The following RB1CC1 variants were observed in gnomAD, a reference collection of about 807,000 sequenced individuals.
RB1CC1 encodes the protein RB1-inducible coiled-coil protein 1.
In RB1CC1, 46 loss-of-function variants were observed where a neutral mutation model predicts 177.5. The ratio of observed to expected loss-of-function variants is 0.26; its 90% CI spans 0.20 to 0.33. RB1CC1 has a LOEUF of 0.33. Among genes scored for constraint, RB1CC1 ranks in the 10% least tolerant of loss-of-function variants. The pLI is 1.00. For synonymous variants in RB1CC1, 666 were observed against 613.6 expected, an observed-to-expected ratio of 1.09 and a Z score of -1.26; for missense variants, 1,703 against 1,816.3, an observed-to-expected ratio of 0.94 and a Z score of 1.13.
intron 21 of RB1CC1, 41 bp downstream of exon 21, chr8:52,630,427 AAT>A (rs1394721083): frequency 6.6e-7 from 1 of 1,525,338 alleles, no homozygotes; most frequent in East Asian, 2.4e-5. Context: ...CAATTCAGTG[AAT>A]GTTTTTCACA....
At chr8:52,660,723 T>G in intron 11 of RB1CC1, 66 bp from the exon 12 acceptor site, 1 of 1,418,316 alleles carries the variant, frequency 7.1e-7, no homozygotes, top group Non-Finnish European at 9.7e-7. Context: ...TTATCTCTGG[T>G]TTTTGAAAAG....
At chr8:52,684,848 TG>T (rs1263828002) in intron 3 of RB1CC1, among the ~76,000 whole-genome samples, 1 of 152,156 alleles carries the variant, frequency 6.6e-6, no homozygotes, top group Non-Finnish European at 1.5e-5. Context: ...TGAGTAGATC[TG>T]TTTACTGATC....
At chr8:52,635,971 G>A (rs766925051) in intron 19 of RB1CC1, 44 bp downstream of exon 19, 34 of 1,594,542 alleles carry the variant, frequency 2.1e-5, no homozygotes, top group Non-Finnish European at 2.8e-5. Flanking sequence ...GTATCCAAAA[G>A]TGAACATATT....
intron 15 of RB1CC1, among the ~76,000 whole-genome samples, chr8:52,652,608 G>A (rs1200953999): frequency 1.1e-4 from 17 of 152,052 alleles, no homozygotes; most frequent in Non-Finnish European, 2.9e-5. Flanking sequence ...GTCAATTTTT[G>A]AGAGCGTAAA....
At position 52,658,863 on chromosome 8, in the gene RB1CC1, T is replaced by A. The variant is rs1851340891; in HGVS notation, c.1793+10A>T. ...GTTATAAATTAACTGAAAATACTAA[T>A]GACATTTACCTGAGGAATGGCTGAA... On this transcript the variant is annotated intron_variant, in intron 13 of 23. Transcript: ENST00000025008. The A allele has an allele frequency of 1.3e-6, 2 of 1,525,226 alleles. No individual in the cohort carries two copies. The allele number at this position is 1,525,226 out of a possible 1,614,324, so 94.5% of individuals were successfully genotyped here. A position where few individuals can be genotyped will look rare whatever the true frequency, so the allele number is the denominator to read the frequency against.
At chr8:52,661,505 T>C in intron 9 of RB1CC1, 30 bp downstream of exon 9, 2 of 1,549,348 alleles carry the variant, frequency 1.3e-6, no homozygotes, top group Non-Finnish European at 1.7e-6. Flanking sequence ...ATTCTAAACA[T>C]CTTAAAACAG....
At chr8:52,698,233 T>C (rs1046192639) in intron 1 of RB1CC1, among the ~76,000 whole-genome samples, 1 of 152,098 alleles carries the variant, frequency 6.6e-6, no homozygotes, top group African/African-American at 2.4e-5. Flanking sequence ...TGCACTACCA[T>C]GCCCAGCTAA....
At chr8:52,660,025 A>C (rs970310681) in intron 12 of RB1CC1, among the ~76,000 whole-genome samples, 2 of 152,338 alleles carry the variant, frequency 1.3e-5, no homozygotes, top group Admixed American at 1.3e-4. Flanking sequence ...AGCTAAGAGT[A>C]CATCTGATGG....
At chr8:52,690,146 T>C (rs1047677780) in intron 1 of RB1CC1, among the ~76,000 whole-genome samples, 1 of 152,170 alleles carries the variant, frequency 6.6e-6, no homozygotes, top group Non-Finnish European at 1.5e-5. Context: ...AGGAATCAGA[T>C]GACTGTATTA....
At chr8:52,624,855 C>T in intron 22 of RB1CC1, 68 bp from the exon 23 acceptor site, 1 of 1,200,880 alleles carries the variant, frequency 8.3e-7, no homozygotes, top group Middle Eastern at 2.5e-4. Context: ...AACATAACTG[C>T]CAGAATTAAA....
chr8:52,632,212 T>A (rs1026610589), intron 20 of RB1CC1, among the ~76,000 whole-genome samples: 1 of 152,162 alleles, frequency 6.6e-6, no homozygotes, highest in Non-Finnish European at 1.5e-5. Flanking sequence ...TCTTTGAAGC[T>A]TGAAAGGGTG....
intron 15 of RB1CC1, among the ~76,000 whole-genome samples, chr8:52,653,467 C>A (rs994167116): frequency 6.6e-6 from 1 of 152,026 alleles, no homozygotes; most frequent in African/African-American, 2.4e-5. Context: ...CGGTTAAAGA[C>A]CTACTAAAAC....
Position 52,661,285 on chromosome 8 carries a change from G to C in RB1CC1, c.1359-4C>G, listed in dbSNP as rs1488844112. The C allele has an allele frequency of 1.9e-6, 3 of 1,608,702 alleles. 1 individual carries two copies. Among genetic ancestry groups the C allele is most frequent in the East Asian group, 2.2e-5 (1 of 44,778 alleles). On this transcript the variant is annotated splice_polypyrimidine_tract_variant and splice_region_variant and intron_variant, in intron 9 of 23. Transcript: ENST00000025008. Reference sequence around the variant, plus strand: ...AAGCATTACAAAGCAACACCACCTAGAGAATAAAATCCATTATTTTCAACA... The same window carrying C: ...AAGCATTACAAAGCAACACCACCTACAGAATAAAATCCATTATTTTCAACA...
chr8:52,679,396 T>C (rs773617655), intron 5 of RB1CC1, among the ~76,000 whole-genome samples: 3 of 152,236 alleles, frequency 2.0e-5, no homozygotes, highest in Non-Finnish European at 2.9e-5. Context: ...CAAAGGCCTA[T>C]CTGCTTCCTC....
At position 52,657,120 on chromosome 8, in the gene RB1CC1, C is replaced by T. The variant is rs62499947; in HGVS notation, c.2709G>A (p.Glu903=). The change falls in exon 15 of 24, where the codon GAG becomes GAA. Residue 903 remains glutamate (E), a synonymous_variant. Transcript: ENST00000025008. ...KKLKGELVCL[E]EVLQNKDNEF... The stretch of plus-strand genomic sequence containing the variant: ...CATTATCTTTATTTTGTAAAACCTC[C>T]TCAAGGCATACTAACTCTCCCTTCA... 0.042 allele frequency: 67,840 copies of T among 1,611,348 alleles called. 1,711 individuals are homozygous for T. The highest frequency in any genetic ancestry group is 0.048 in the Non-Finnish European group (56,978 of 1,178,632).
intron 18 of RB1CC1, among the ~76,000 whole-genome samples, chr8:52,637,658 CATTTATTTATTT>C (rs561831982): frequency 7.3e-5 from 11 of 151,176 alleles, no homozygotes; most frequent in Admixed American, 4.6e-4. Flanking sequence ...AATCTAGATG[CATTTATTTATTT>C]ATTTATTTAT....
At chr8:52,707,432 C>CTTTTTT (rs386412758) in intron 1 of RB1CC1, among the ~76,000 whole-genome samples, 21 of 128,834 alleles carry the variant, frequency 1.6e-4, no homozygotes, top group Admixed American at 5.6e-4. Flanking sequence ...TTCTTTCTTT[C>CTTTTTT]TTTTTTTTTT....
In RB1CC1 at chr8:52,656,440, G is replaced by A. The variant is rs1477667337; in HGVS notation, c.3389C>T (p.Thr1130Ile). ...GGAAATACACTGATCTTTTTCAATT[G>A]TCATTAAAGTTCTTAGCTCTGCTAA... ...VGLAELRTLMTIEKDQCISEL... is the reference protein window; with the variant it reads ...VGLAELRTLMIIEKDQCISEL... The change falls in exon 15 of 24, where the codon ACA becomes ATA. Residue 1130 changes from threonine (T) to isoleucine (I), a missense_variant. By Grantham distance (89) the Thr-to-Ile change is moderately conservative. Transcript: ENST00000025008. 1 of 1,610,792 alleles carries A rather than the reference G, an allele frequency of 6.2e-7. No homozygotes were observed. The highest frequency in any genetic ancestry group is 2.2e-5 in the East Asian group (1 of 44,818).
rs184035601 is a variant in RB1CC1 at position 52,633,619 on chromosome 8, A to G, written c.4440+1302T>C. On this transcript the variant is annotated intron_variant, in intron 20 of 23. Transcript: ENST00000025008. ...AAACTAAATTCTAAAAAGTATTTCAAAACTTTTCAAAAGCACTGAACAGAA... is the reference window on the plus strand; with the variant it reads ...AAACTAAATTCTAAAAAGTATTTCAGAACTTTTCAAAAGCACTGAACAGAA... Among the ~76,000 whole-genome samples, 12 of 152,366 alleles carry G rather than the reference A, an allele frequency of 7.9e-5. No individual in the cohort carries two copies. The East Asian group carries it at 1.9e-3, about 24-fold the overall frequency.
Sources: allele counts gnomAD v4.1 joint callset (sites outside exome capture counted in the v4.1 genomes callset), GRCh38; gene constraint gnomAD v4.1.1; transcripts MANE v1.5; gene names NCBI Gene and HGNC (gene_info 2026-07-23, HGNC 2026-07-21).